Variants in SLC1A4 observed in about 807,000 individuals in gnomAD.
SLC1A4 encodes solute carrier family 1 member 4.
In SLC1A4, 19 loss-of-function variants were observed where a neutral mutation model predicts 37.7. That is an observed-to-expected ratio of 0.50 (90% CI 0.35 to 0.74). The LOEUF (loss-of-function observed/expected upper bound fraction) is 0.74. Among genes scored for constraint, SLC1A4 ranks in the 30% least tolerant of loss-of-function variants. The pLI, the probability that SLC1A4 is intolerant of heterozygous loss-of-function variation, is 0.01. For synonymous variants in SLC1A4, 299 were observed against 309.8 expected (o/e 0.97, Z 0.37); for missense variants, 570 against 712.9 (o/e 0.80, Z 2.28).
In SLC1A4 at chr2:65,021,358, G is replaced by A. The variant is rs1031007900; in HGVS notation, c.*212G>A. On this transcript the variant is annotated 3_prime_UTR_variant, in exon 8 of 8. Transcript: ENST00000234256. Reference sequence around the variant, plus strand: ...AAGGACAAGGACACTCTGACATTCGGCTTGATCCATGTCCAGGTGCAACTG... The same window carrying A: ...AAGGACAAGGACACTCTGACATTCGACTTGATCCATGTCCAGGTGCAACTG... 1.7e-6 allele frequency: 1 copy of A among 576,820 alleles called. No homozygotes were observed. Among genetic ancestry groups the A allele is most frequent in the South Asian group, 2.1e-5 (1 of 47,826 alleles). 35.7% of individuals were successfully genotyped at this position (576,820 alleles called of 1,614,324 possible).
At position 64,989,419 on chromosome 2, in the gene SLC1A4, C is replaced by G; in HGVS notation, c.-225C>G. 1 of 393,690 alleles carries G rather than the reference C, an allele frequency of 2.5e-6. No homozygotes were observed. Among genetic ancestry groups the G allele is most frequent in the Non-Finnish European group, 4.4e-6 (1 of 224,802 alleles). 24.4% of individuals were successfully genotyped at this position (393,690 alleles called of 1,614,324 possible). ...GCATCATCTCCAGCCGGCGGCTGCT[C>G]CAGGGAGGCTGGGCGCGATCCTCTC... On this transcript the variant is annotated 5_prime_UTR_variant, in exon 1 of 8. Transcript: ENST00000234256.
At chr2:65,005,272 A>C (rs1191851355) in intron 3 of SLC1A4, among the ~76,000 whole-genome samples, 1 of 152,176 alleles carries the variant, frequency 6.6e-6, no homozygotes, top group Non-Finnish European at 1.5e-5. Context: ...TACCCTGCCT[A>C]CTATTTCCCA....
At chr2:65,012,309 T>C (rs1164121433) in intron 4 of SLC1A4, among the ~76,000 whole-genome samples, 2 of 151,700 alleles carry the variant, frequency 1.3e-5, no homozygotes, top group Admixed American at 6.6e-5. Flanking sequence ...CACGATGGTC[T>C]CCATCTCCTG....
chr2:64,998,828 A>AT, intron 1 of SLC1A4, among the ~76,000 whole-genome samples: 1 of 152,346 alleles, frequency 6.6e-6, no homozygotes, highest in Middle Eastern at 3.4e-3. Context: ...GAAACAGCTA[A>AT]TCCCTGAAGG....
chr2:65,001,661 A>G (rs1673461864), intron 2 of SLC1A4, among the ~76,000 whole-genome samples, 171 bp downstream of exon 2: 1 of 152,202 alleles, frequency 6.6e-6, no homozygotes, highest in Non-Finnish European at 1.5e-5. Context: ...AACAACAACA[A>G]TAAAATAAAT....
chr2:65,014,294 T>C (rs1033270549), intron 4 of SLC1A4, among the ~76,000 whole-genome samples: 1 of 152,142 alleles, frequency 6.6e-6, no homozygotes, highest in African/African-American at 2.4e-5. Flanking sequence ...GAAAAATCAC[T>C]GAACAAACCA....
At chr2:65,001,795 A>T (rs971011160) in intron 2 of SLC1A4, among the ~76,000 whole-genome samples, 6 of 152,156 alleles carry the variant, frequency 3.9e-5, no homozygotes, top group South Asian at 2.1e-4. Context: ...ACACTTTTTT[A>T]AAAAAATACA....
chr2:65,013,479 C>T (rs1674004873), intron 4 of SLC1A4, among the ~76,000 whole-genome samples: 1 of 152,216 alleles, frequency 6.6e-6, no homozygotes, highest in Non-Finnish European at 1.5e-5. Context: ...ACCTTGGCCT[C>T]CCAAAGTGCT....
chr2:65,013,881 A>G (rs1183599920), intron 4 of SLC1A4, among the ~76,000 whole-genome samples: 2 of 152,206 alleles, frequency 1.3e-5, no homozygotes, highest in African/African-American at 4.8e-5. Flanking sequence ...CATGCTCTCT[A>G]TTGCAACTAC....
At chr2:65,015,443 AC>A (rs11343057) in intron 4 of SLC1A4, among the ~76,000 whole-genome samples, 11,403 of 152,308 alleles carry the variant, frequency 0.075, 568 homozygotes, top group Middle Eastern at 0.12. Context: ...TTAAATACAT[AC>A]CTATGTATCT....
At chr2:65,020,265 GT>G (rs1674360487) in intron 7 of SLC1A4, among the ~76,000 whole-genome samples, 1 of 152,166 alleles carries the variant, frequency 6.6e-6, no homozygotes, top group Non-Finnish European at 1.5e-5. Context: ...CAATATGTTT[GT>G]TTATTTGTTT....
At position 65,018,731 on chromosome 2, in the gene SLC1A4, G is replaced by C. The variant is rs1674288542; in HGVS notation, c.1364+52G>C. 3 of 1,605,336 alleles carry C rather than the reference G, an allele frequency of 1.9e-6. No homozygotes were observed. On this transcript the variant is annotated intron_variant, in intron 7 of 7. Transcript: ENST00000234256. This position sits in a 1 kb window ranked among gnomAD's most constrained non-coding sequence, Gnocchi z 4.3. The stretch of plus-strand genomic sequence containing the variant: ...AAAAGAGTCTGCACTGAGTTCCCTA[G>C]GAGCTTAGCACTGCTGGGCCTGGGC...
At chr2:65,016,294 CCTGA>C (rs1229430980) in intron 4 of SLC1A4, 142 bp from the exon 5 acceptor site, 11 of 679,546 alleles carry the variant, frequency 1.6e-5, no homozygotes, top group Non-Finnish European at 2.6e-5. Context: ...ATGGTATAAC[CCTGA>C]CTGTTTCGGT....
In SLC1A4 at chr2:65,018,610, C is replaced by T. The variant is rs1328417851; in HGVS notation, c.1295C>T (p.Ala432Val). The T allele has an allele frequency of 1.2e-6, 2 of 1,614,108 alleles. No individual in the cohort carries two copies. Among genetic ancestry groups the T allele is most frequent in the Admixed American group, 1.7e-5 (1 of 60,002 alleles). Residue 432 changes from alanine (A) to valine (V), a missense_variant, in exon 7 of 8, where the codon GCC becomes GTC. By Grantham distance (64) the Ala-to-Val change is moderately conservative. Coordinates refer to ENST00000234256, the MANE Select transcript of SLC1A4 (RefSeq NM_003038.5). This position sits in a 1 kb window ranked among gnomAD's most constrained non-coding sequence, Gnocchi z 4.3. ...GVPAGGVLTI[A>V]IILEAIGLPT... ...CCAGCTGGAGGGGTCCTCACCATTG[C>T]CATTATCCTGGAGGCCATTGGGCTG...
In SLC1A4 at chr2:64,989,426, G is replaced by GGCTGGGCGCGATCCTC. The variant is rs2103623586; in HGVS notation, c.-217_-202dup. ...CTCCAGCCGGCGGCTGCTCCAGGGA[G>GGCTGGGCGCGATCCTC]GCTGGGCGCGATCCTCTCCGCCCGC... On this transcript the variant is annotated 5_prime_UTR_variant, in exon 1 of 8. Transcript: ENST00000234256. 2.5e-6 allele frequency: 1 copy of GGCTGGGCGCGATCCTC among 401,598 alleles called. No homozygotes were observed. The highest frequency in any genetic ancestry group is 3.8e-5 in the East Asian group (1 of 26,402). 24.9% of individuals were successfully genotyped at this position (401,598 alleles called of 1,614,324 possible).
At chr2:64,993,549 G>A (rs914759796) in intron 1 of SLC1A4, among the ~76,000 whole-genome samples, 3 of 152,136 alleles carry the variant, frequency 2.0e-5, no homozygotes, top group African/African-American at 7.2e-5. Flanking sequence ...TGAGCAGCCC[G>A]GAGTTCTGTG....
At chr2:64,992,144 A>G (rs748435627) in intron 1 of SLC1A4, among the ~76,000 whole-genome samples, 6 of 152,216 alleles carry the variant, frequency 3.9e-5, no homozygotes, top group Non-Finnish European at 7.3e-5. Context: ...TAATGGGGTT[A>G]AAGGATTATT....
chr2:65,002,151 G>T (rs760829656), intron 2 of SLC1A4, among the ~76,000 whole-genome samples: 17 of 152,002 alleles, frequency 1.1e-4, no homozygotes, highest in Non-Finnish European at 1.9e-4. Context: ...GTGGTGGCGT[G>T]CACCTGTAAC....
intron 3 of SLC1A4, 70 bp from the exon 4 acceptor site, chr2:65,010,527 C>T: frequency 7.5e-7 from 1 of 1,325,724 alleles, no homozygotes; most frequent in Non-Finnish European, 1.0e-6. Context: ...CTGGTGGGGA[C>T]ACCAAGCAAA....
Sources: gnomAD v4.1 joint callset for allele counts (sites outside exome capture counted in the v4.1 genomes callset) on GRCh38, gnomAD v4.1.1 for gene constraint, Gnocchi (gnomAD v3.1) non-coding constraint, MANE v1.5 for transcripts, NCBI Gene and HGNC (gene_info 2026-07-23, HGNC 2026-07-21) for gene names.